ELAVL2: variants seen among roughly 807,000 people sequenced by gnomAD.
ELAVL2 encodes ELAV-like protein 2.
ELAVL2 carries 4 observed loss-of-function variants against 34.6 expected under a neutral mutation model. The ratio of observed to expected loss-of-function variants is 0.12; its 90% CI spans 0.06 to 0.26. ELAVL2 has a LOEUF of 0.26. Among genes scored for constraint, ELAVL2 ranks in the 10% least tolerant of loss-of-function variants. ELAVL2 has a pLI of 1.00. For synonymous variants in ELAVL2, 193 were observed against 154.8 expected (o/e 1.25, Z -1.83); for missense variants, 432 against 442.8 (o/e 0.98, Z 0.22).
At chr9:23,807,399 C>T (rs959209683) in intron 1 of ELAVL2, among the ~76,000 whole-genome samples, 4 of 152,024 alleles carry the variant, frequency 2.6e-5, no homozygotes, top group South Asian at 2.1e-4. Flanking sequence ...CCATCTCTTA[C>T]GAACATACCT....
intron 2 of ELAVL2, among the ~76,000 whole-genome samples, chr9:23,753,470 A>G (rs2052666956): frequency 6.6e-6 from 1 of 152,198 alleles, no homozygotes; most frequent in Middle Eastern, 3.2e-3. Flanking sequence ...GTCATAGTTA[A>G]GGTAGTGAAA....
intron 2 of ELAVL2, among the ~76,000 whole-genome samples, chr9:23,732,844 G>A (rs1318412448): frequency 2.0e-5 from 3 of 152,084 alleles, no homozygotes; most frequent in African/African-American, 7.2e-5. Flanking sequence ...GGTTGCTGAT[G>A]CAATGATGAA....
At position 23,721,208 on chromosome 9, in the gene ELAVL2, C is replaced by T. The variant is rs117818397; in HGVS notation, c.333+9814G>A. 6.5e-4 allele frequency among the ~76,000 whole-genome samples: 99 copies of T among 152,324 alleles called. No homozygotes were observed. In the Middle Eastern group the frequency reaches 0.014, roughly 21 times the overall value. On this transcript the variant is annotated intron_variant, in intron 3 of 6. Coordinates refer to ENST00000397312, the MANE Select transcript of ELAVL2 (RefSeq NM_004432.5). ...GACGTAAAATAAAGCCCATGAAACT[C>T]ATCCAAAGATATTTCCAAGAACCCA... is the stretch of plus-strand genomic sequence containing the variant.
chr9:23,768,336 G>C (rs916053659), intron 1 of ELAVL2, among the ~76,000 whole-genome samples: 1 of 151,930 alleles, frequency 6.6e-6, no homozygotes, highest in African/African-American at 2.4e-5. Context: ...CTCCATTTCA[G>C]GGGTTTGTAC....
chr9:23,717,371 C>A (rs746983229), intron 3 of ELAVL2, among the ~76,000 whole-genome samples: 10 of 152,120 alleles, frequency 6.6e-5, no homozygotes, highest in Admixed American at 1.3e-4. Flanking sequence ...AAAATTCATT[C>A]CTATTGTTTC....
intron 1 of ELAVL2, among the ~76,000 whole-genome samples, chr9:23,823,228 G>A (rs1003831190): frequency 1.3e-4 from 20 of 152,146 alleles, no homozygotes; most frequent in Non-Finnish European, 2.8e-4. Context: ...TGACCTCTCA[G>A]TAAATAGTTA....
At chr9:23,712,831 AT>A (rs1394097892) in intron 3 of ELAVL2, among the ~76,000 whole-genome samples, 2 of 152,236 alleles carry the variant, frequency 1.3e-5, no homozygotes, top group African/African-American at 4.8e-5. Context: ...AAGTAATGTC[AT>A]AAAAATAAGT....
At chr9:23,804,323 G>A (rs2137788904) in intron 1 of ELAVL2, among the ~76,000 whole-genome samples, 1 of 152,092 alleles carries the variant, frequency 6.6e-6, no homozygotes, top group South Asian at 2.1e-4. Flanking sequence ...CACCTGAGAG[G>A]TTAACAATTT....
intron 1 of ELAVL2, among the ~76,000 whole-genome samples, chr9:23,768,204 T>C (rs1452603274): frequency 6.6e-6 from 1 of 152,216 alleles, no homozygotes; most frequent in Non-Finnish European, 1.5e-5. Context: ...AGCCCACTTA[T>C]TCAAGCACCT....
At position 23,699,484 on chromosome 9, in the gene ELAVL2, T is replaced by C. The variant is rs115602957; in HGVS notation, c.713+1895A>G. On this transcript the variant is annotated intron_variant, in intron 5 of 6. Coordinates refer to ENST00000397312, the MANE Select transcript of ELAVL2 (RefSeq NM_004432.5). ...TTTTATAACTTCACAATGTTAAAAA[T>C]CAACCAATACATTATGAAGAACTTT... 4.4e-3 allele frequency among the ~76,000 whole-genome samples: 669 copies of C among 152,302 alleles called. 2 individuals are homozygous for C. The highest frequency in any genetic ancestry group is 0.015 in the African/African-American group (623 of 41,572).
intron 1 of ELAVL2, among the ~76,000 whole-genome samples, chr9:23,770,495 T>C (rs1031180368): frequency 6.6e-5 from 10 of 152,214 alleles, no homozygotes; most frequent in African/African-American, 2.4e-4. Context: ...GAGATTATCC[T>C]TGGTTACTGA....
the ELAVL2 span, among the ~76,000 whole-genome samples, chr9:23,847,882 T>C: frequency 2.6e-5 from 4 of 152,088 alleles, no homozygotes; most frequent in Admixed American, 6.5e-5. Context: ...TTTTAAATAA[T>C]AATTTTTAAT....
chr9:23,801,093 T>C (rs565828739), intron 1 of ELAVL2, among the ~76,000 whole-genome samples: 1 of 152,320 alleles, frequency 6.6e-6, no homozygotes, highest in Non-Finnish European at 1.5e-5. Flanking sequence ...TTATTTCAAT[T>C]TGGAGCTACC....
rs2033284076 is a variant in ELAVL2 at position 23,691,850 on chromosome 9, G to C, written c.*707C>G. On this transcript the variant is annotated 3_prime_UTR_variant, in exon 7 of 7. Coordinates refer to ENST00000397312, the MANE Select transcript of ELAVL2 (RefSeq NM_004432.5). Reference sequence around the variant, plus strand: ...TCAAAGTATTCAAGTCAAAATATTTGTTCCAGGACCAGTAAAAAGTTTCTC... The same window carrying C: ...TCAAAGTATTCAAGTCAAAATATTTCTTCCAGGACCAGTAAAAAGTTTCTC... 1 of 152,452 alleles carries C rather than the reference G, an allele frequency of 6.6e-6. No homozygotes were observed. Among genetic ancestry groups the C allele is most frequent in the African/African-American group, 2.4e-5 (1 of 41,394 alleles). The allele number at this position is 152,452 out of a possible 1,614,324, so 9.4% of individuals were successfully genotyped here. A position where few individuals can be genotyped will look rare whatever the true frequency, so the allele number is the denominator to read the frequency against.
At chr9:23,769,835 A>G (rs2056978327) in intron 1 of ELAVL2, among the ~76,000 whole-genome samples, 1 of 152,174 alleles carries the variant, frequency 6.6e-6, no homozygotes, top group African/African-American at 2.4e-5. Flanking sequence ...GACAAAGTAC[A>G]CAGTCTCCTT....
At chr9:23,793,062 G>A (rs1412281019) in intron 1 of ELAVL2, among the ~76,000 whole-genome samples, 6 of 152,116 alleles carry the variant, frequency 3.9e-5, no homozygotes, top group Non-Finnish European at 7.4e-5. Context: ...ACAGGAGTGA[G>A]GCACCACTGC....
At chr9:23,794,811 G>T (rs572027067) in intron 1 of ELAVL2, among the ~76,000 whole-genome samples, 3 of 152,138 alleles carry the variant, frequency 2.0e-5, no homozygotes, top group Non-Finnish European at 4.4e-5. Flanking sequence ...ATGGAATACA[G>T]ATAAAATATG....
chr9:23,764,549 G>A (rs761003123), intron 1 of ELAVL2, among the ~76,000 whole-genome samples: 31 of 152,112 alleles, frequency 2.0e-4, no homozygotes, highest in Non-Finnish European at 4.1e-4. Context: ...TTCACAGAAT[G>A]CAAACTCTTT....
chr9:23,703,620 A>G (rs1320384691), intron 4 of ELAVL2, among the ~76,000 whole-genome samples: 1 of 152,208 alleles, frequency 6.6e-6, no homozygotes. Flanking sequence ...GATTAGATTC[A>G]GATCAACTAA....
Sources: gnomAD v4.1 joint callset for allele counts (sites outside exome capture counted in the v4.1 genomes callset) on GRCh38, gnomAD v4.1.1 for gene constraint, MANE v1.5 for transcripts, NCBI Gene and HGNC (gene_info 2026-07-23, HGNC 2026-07-21) for gene names.